PRKRA: variants seen among roughly 807,000 people sequenced by gnomAD.
The protein encoded by PRKRA is interferon-inducible double-stranded RNA-dependent protein kinase activator A.
Under a neutral mutation model 32.4 loss-of-function variants are expected in PRKRA, and 22 were observed. The observed-to-expected ratio is 0.68, with a 90% CI of 0.49 to 0.97. The LOEUF (loss-of-function observed/expected upper bound fraction) is 0.97. Among genes scored for constraint, PRKRA ranks in the 50% least tolerant of loss-of-function variants. The pLI, the probability that PRKRA is intolerant of heterozygous loss-of-function variation, is 0.00. For synonymous variants in PRKRA, 139 were observed against 129.8 expected (o/e 1.07, Z -0.48); for missense variants, 319 against 375.6 (o/e 0.85, Z 1.25).
At chr2:178,448,823 G>A (rs969225329) in intron 2 of PRKRA, among the ~76,000 whole-genome samples, 6 of 152,200 alleles carry the variant, frequency 3.9e-5, no homozygotes, top group African/African-American at 1.4e-4. Flanking sequence ...AGAAAGACGG[G>A]AAGTAGTTAG....
intron 4 of PRKRA, among the ~76,000 whole-genome samples, 168 bp downstream of exon 4, chr2:178,444,254 T>G (rs1031971238): frequency 2.4e-4 from 37 of 152,156 alleles, no homozygotes; most frequent in African/African-American, 8.9e-4. Flanking sequence ...ACCCAGAACA[T>G]AAATAGGAAA....
intron 1 of PRKRA, chr2:178,450,689 G>C: frequency 7.1e-7 from 1 of 1,413,622 alleles, no homozygotes; most frequent in South Asian, 1.6e-5. Flanking sequence ...CAGCGCCGCA[G>C]CCTCTCAGGG....
chr2:178,443,563 T>C (rs1697200086), intron 4 of PRKRA, 179 bp from the exon 5 acceptor site: 2 of 545,068 alleles, frequency 3.7e-6, no homozygotes, highest in African/African-American at 3.8e-5. Context: ...TTTATATTTT[T>C]ATACCCCAAT....
At chr2:178,444,644 A>G in intron 3 of PRKRA, 144 bp from the exon 4 acceptor site, 2 of 702,494 alleles carry the variant, frequency 2.8e-6, no homozygotes, top group Non-Finnish European at 5.0e-6. Flanking sequence ...GACCTCTTCT[A>G]TGGGAATCTG....
chr2:178,447,267 T>TAA (rs570932207), intron 3 of PRKRA: 2,172 of 490,272 alleles, frequency 4.4e-3, no homozygotes, highest in South Asian at 6.0e-3. Flanking sequence ...TGTATCCCAT[T>TAA]AAAAAAAAAA....
At chr2:178,447,278 AAAC>A in intron 3 of PRKRA, 1 of 649,488 alleles carries the variant, frequency 1.5e-6, no homozygotes, top group East Asian at 3.0e-5. Context: ...AAAAAAAAAA[AAAC>A]AGTAAAGCCT....
At chr2:178,432,320 A>C (rs1696694191) in intron 7 of PRKRA, 66 bp from the exon 8 acceptor site, 2 of 1,293,810 alleles carry the variant, frequency 1.5e-6, no homozygotes, top group Admixed American at 4.9e-5. Context: ...CCTTTGTAAA[A>C]ACAATACAAT....
intron 2 of PRKRA, chr2:178,449,966 G>GGGTAT: frequency 1.9e-6 from 1 of 529,764 alleles, no homozygotes; most frequent in Admixed American, 3.2e-5. Context: ...AAGAACCCTA[G>GGGTAT]GAGGATCCTA....
chr2:178,438,570 C>T (rs928005216), intron 6 of PRKRA, among the ~76,000 whole-genome samples: 1 of 152,192 alleles, frequency 6.6e-6, no homozygotes, highest in South Asian at 2.1e-4. Context: ...TAAAGCAGCA[C>T]ACCCTTGCTC....
chr2:178,445,212 C>T (rs1697271718), intron 3 of PRKRA, among the ~76,000 whole-genome samples: 2 of 152,190 alleles, frequency 1.3e-5, no homozygotes, highest in South Asian at 4.1e-4. Context: ...AAGAGAACAA[C>T]CTCTTCTAGG....
rs1206444177 is a variant in PRKRA, at chr2:178,431,845, G to A, written c.*252C>T. 4 of 530,124 alleles carry A rather than the reference G, an allele frequency of 7.5e-6. No individual in the cohort carries two copies. In the African/African-American group the frequency reaches 7.7e-5, roughly 10 times the overall value. The allele number at this position is 530,124 out of a possible 1,614,324, so 32.8% of individuals were successfully genotyped here. ...GCAGTTTCTTTCTCTGATGTGCATGGCACTGTAAAATGGGTGCTACACTCT... is the reference window on the plus strand; with the variant it reads ...GCAGTTTCTTTCTCTGATGTGCATGACACTGTAAAATGGGTGCTACACTCT... On this transcript the variant is annotated 3_prime_UTR_variant, in exon 8 of 8. Transcript: ENST00000325748.
In PRKRA at chr2:178,448,961, CCT is replaced by C. The variant is rs1439166880; in HGVS notation, c.235+1279_235+1280del. ...TTGGGACAATGAGAGGCTTGAGGGG[CCT>C]CTGTGTCATCCAGGCAAAGATGCTC... On this transcript the variant is annotated intron_variant, in intron 2 of 7. Transcript: ENST00000325748. Among the ~76,000 whole-genome samples, 6 of 152,288 alleles carry C rather than the reference CCT, an allele frequency of 3.9e-5. No homozygotes were observed. In the East Asian group the frequency reaches 9.6e-4, roughly 24 times the overall value.
intron 7 of PRKRA, among the ~76,000 whole-genome samples, chr2:178,434,700 C>T (rs899343649): frequency 6.6e-6 from 1 of 152,146 alleles, no homozygotes; most frequent in Non-Finnish European, 1.5e-5. Context: ...CAAAGTAGCA[C>T]AGAATATCAG....
chr2:178,431,780 CTG>C lies in PRKRA; in HGVS notation c.*315_*316del, dbSNP rs948262891. On this transcript the variant is annotated 3_prime_UTR_variant, in exon 8 of 8. Coordinates refer to ENST00000325748, the MANE Select transcript of PRKRA (RefSeq NM_003690.5). ...AGAGCTTAAGCACCAGTAAGAAAGA[CTG>C]TCGCTAGCATTTTTATTTCATCATC... The C allele has an allele frequency of 5.2e-6, 2 of 385,710 alleles. No homozygotes were observed. The highest frequency in any genetic ancestry group is 1.0e-4 in the East Asian group (2 of 19,376). The allele number at this position is 385,710 out of a possible 1,614,324, so 23.9% of individuals were successfully genotyped here.
rs1175665990 is a variant in PRKRA, at chr2:178,431,610, T to A, written c.*487A>T. On this transcript the variant is annotated 3_prime_UTR_variant, in exon 8 of 8. Coordinates refer to ENST00000325748, the MANE Select transcript of PRKRA (RefSeq NM_003690.5). ...CCCATCGTAACAGTTCTTTGTTACA[T>A]GAATTCAAATACACAGCAGACCAAT... 1.2e-5 allele frequency: 2 copies of A among 170,826 alleles called. No homozygotes were observed. The highest frequency in any genetic ancestry group is 1.1e-4 in the Admixed American group (2 of 18,174). 10.6% of individuals were successfully genotyped at this position (170,826 alleles called of 1,614,324 possible). A position where few individuals can be genotyped will look rare whatever the true frequency, so the allele number is the denominator to read the frequency against.
intron 6 of PRKRA, chr2:178,439,349 C>T (rs1697029364): frequency 6.6e-6 from 1 of 152,204 alleles, no homozygotes; most frequent in African/African-American, 2.4e-5. Context: ...CCTTCTCCAC[C>T]TTCAGGTCCC....
Position 178,451,136 on chromosome 2 carries a change from C to T in PRKRA, c.-106G>A. On this transcript the variant is annotated 5_prime_UTR_variant, in exon 1 of 8. Transcript: ENST00000325748. ...AGGAGCTCCAGCGCCGCCACCTCCT[C>T]CGACTCCCCCGCCTCCTGCTTGCGT... 1 of 1,309,184 alleles carries T rather than the reference C, an allele frequency of 7.6e-7. No homozygotes were observed. Among genetic ancestry groups the T allele is most frequent in the South Asian group, 1.4e-5 (1 of 71,158 alleles). The allele number at this position is 1,309,184 out of a possible 1,614,324, so 81.1% of individuals were successfully genotyped here. A position where few individuals can be genotyped will look rare whatever the true frequency, so the allele number is the denominator to read the frequency against.
chr2:178,437,891 G>C (rs888721264), intron 6 of PRKRA, among the ~76,000 whole-genome samples: 3 of 151,732 alleles, frequency 2.0e-5, no homozygotes, highest in Non-Finnish European at 1.5e-5. Flanking sequence ...TCTTTTTTAA[G>C]AGTTAGGATC....
In PRKRA at chr2:178,446,979, C is replaced by G. The variant is rs1422077400; in HGVS notation, c.317+526G>C. ...CTGCACTCCAGACTGGGCGACAGAG[C>G]GAGACTCCGTCTCAAAAAAAAAAAA... On this transcript the variant is annotated intron_variant, in intron 3 of 7. Transcript: ENST00000325748. Among the ~76,000 whole-genome samples the G allele has an allele frequency of 4.2e-5, 5 of 117,718 alleles. No individual in the cohort carries two copies. In the Admixed American group the frequency reaches 5.9e-4, roughly 14 times the overall value. The allele number at this position is 117,718 out of a possible 152,430, so 77.2% of individuals were successfully genotyped here. A position where few individuals can be genotyped will look rare whatever the true frequency, so the allele number is the denominator to read the frequency against.
Sources: gnomAD v4.1 joint callset for allele counts (sites outside exome capture counted in the v4.1 genomes callset) on GRCh38, gnomAD v4.1.1 for gene constraint, MANE v1.5 for transcripts, NCBI Gene and HGNC (gene_info 2026-07-23, HGNC 2026-07-21) for gene names.